TBCD: variants seen among roughly 807,000 people sequenced by gnomAD.
TBCD encodes tubulin-specific chaperone D.
A neutral mutation model predicts 169.3 loss-of-function variants in TBCD; 105 were observed. That is an observed-to-expected ratio of 0.62 (90% CI 0.53 to 0.73). TBCD has a LOEUF of 0.73. TBCD is among the 30% of genes least tolerant of loss of function. TBCD has a pLI of 0.00. For missense variants in TBCD, 1,444 were observed against 1,600.1 expected, an observed-to-expected ratio of 0.90 and a Z score of 1.66; for synonymous variants, 700 against 643.9, an observed-to-expected ratio of 1.09 and a Z score of -1.32.
At chr17:82,850,076 T>TTG (rs1598922667) in intron 13 of TBCD, among the ~76,000 whole-genome samples, 5 of 24,206 alleles carry the variant, frequency 2.1e-4, no homozygotes, top group African/African-American at 3.3e-4. Context: ...CTGTTGGCTG[T>TTG]GCTGTGCTGC....
At chr17:82,844,939 A>T (rs2054875324) in intron 13 of TBCD, among the ~76,000 whole-genome samples, 2 of 152,198 alleles carry the variant, frequency 1.3e-5, no homozygotes, top group Admixed American at 1.3e-4. Flanking sequence ...ACAGGTCGGG[A>T]ACATGGCCGA....
chr17:82,773,395 G>A (rs760014487), intron 6 of TBCD, among the ~76,000 whole-genome samples: 3 of 152,206 alleles, frequency 2.0e-5, no homozygotes, highest in Non-Finnish European at 4.4e-5. Flanking sequence ...GGCCCCTCCC[G>A]AGAGGGCAGA....
chr17:82,827,797 A>C (rs1269979502), intron 13 of TBCD, among the ~76,000 whole-genome samples: 4 of 150,816 alleles, frequency 2.7e-5, no homozygotes, highest in Admixed American at 2.0e-4. Context: ...GTGGACACCC[A>C]CACGATTGAA....
chr17:82,774,097 A>G (rs1315369750), intron 6 of TBCD, among the ~76,000 whole-genome samples: 4 of 146,588 alleles, frequency 2.7e-5, no homozygotes, highest in African/African-American at 7.7e-5. Flanking sequence ...TGTTTCTCAG[A>G]GAGGGGGATT....
intron 13 of TBCD, among the ~76,000 whole-genome samples, chr17:82,834,496 G>T (rs2053795921): frequency 1.3e-5 from 2 of 152,178 alleles, no homozygotes; most frequent in Admixed American, 1.3e-4. Context: ...ACTGAATAAA[G>T]AAAATGCGGC....
At chr17:82,926,998 G>A (rs988178972) in intron 28 of TBCD, 188 bp from the exon 29 acceptor site, 41 of 792,886 alleles carry the variant, frequency 5.2e-5, no homozygotes, top group African/African-American at 1.6e-4. Context: ...ACGGCAGAGC[G>A]TGACCTCGGG....
intron 23 of TBCD, among the ~76,000 whole-genome samples, chr17:82,912,681 G>C (rs1418525801): frequency 9.2e-5 from 14 of 151,964 alleles, no homozygotes; most frequent in Admixed American, 9.2e-4. Flanking sequence ...GAGCAGGCTG[G>C]GATTCGGGGA....
intron 13 of TBCD, chr17:82,830,958 TG>T: frequency 1.2e-6 from 2 of 1,613,416 alleles, no homozygotes; most frequent in South Asian, 2.2e-5. Flanking sequence ...AGTATAAGCC[TG>T]GCTCATGGAA....
chr17:82,757,143 C>T (rs1245363735), intron 2 of TBCD, among the ~76,000 whole-genome samples: 1 of 152,206 alleles, frequency 6.6e-6, no homozygotes, highest in Non-Finnish European at 1.5e-5. Context: ...TGGGTGGGGG[C>T]ACCCTGGCTT....
chr17:82,889,926 T>G lies in TBCD; in HGVS notation c.1563+229T>G, dbSNP rs2059012523. Among the ~76,000 whole-genome samples the G allele has an allele frequency of 1.3e-5, 2 of 152,192 alleles. No individual in the cohort carries two copies. Among genetic ancestry groups the G allele is most frequent in the Non-Finnish European group, 2.9e-5 (2 of 68,026 alleles). On this transcript the variant is annotated intron_variant, in intron 16 of 38. Coordinates refer to ENST00000355528, the MANE Select transcript of TBCD (RefSeq NM_005993.5). This position sits in a 1 kb window ranked among gnomAD's most constrained non-coding sequence, Gnocchi z 5.3. ...CACACACAGGCCGGAAAGCTGTGCT[T>G]TACACGTTGCCAAGAGCCACATAAT...
At chr17:82,804,723 G>T (rs988432585) in intron 9 of TBCD, among the ~76,000 whole-genome samples, 2 of 152,246 alleles carry the variant, frequency 1.3e-5, no homozygotes, top group African/African-American at 2.4e-5. Flanking sequence ...TTGGAAGGTG[G>T]CAGCTCTCAC....
At chr17:82,921,621 T>TAGTGTGTTAGTC (rs779859056) in intron 25 of TBCD, 44 bp downstream of exon 25, 1 of 1,573,318 alleles carries the variant, frequency 6.4e-7, no homozygotes, top group Non-Finnish European at 8.7e-7. Flanking sequence ...GTGGCGGTGT[T>TAGTGTGTTAGTC]AGTGTGTTAG....
At chr17:82,929,602 T>G in intron 32 of TBCD, 102 bp downstream of exon 32, 1 of 1,471,866 alleles carries the variant, frequency 6.8e-7, no homozygotes, top group South Asian at 1.2e-5. Flanking sequence ...TTTTCTTCCA[T>G]TGCTTTCTAT....
intron 8 of TBCD, among the ~76,000 whole-genome samples, chr17:82,800,040 C>T (rs1402345097): frequency 1.3e-5 from 2 of 152,110 alleles, no homozygotes; most frequent in African/African-American, 4.8e-5. Context: ...CTGTCCCCGC[C>T]CCACTGCCCC....
Position 82,915,406 on chromosome 17 carries a change from A to G in TBCD, c.2038+3617A>G, listed in dbSNP as rs545309580. On this transcript the variant is annotated intron_variant, in intron 23 of 38. Coordinates refer to ENST00000355528, the MANE Select transcript of TBCD (RefSeq NM_005993.5). This position sits in a 1 kb window ranked among gnomAD's most constrained non-coding sequence, Gnocchi z 4.3. ...CTTTGTCGTGAATATTCACGAGAGGAGATGAACATCCTGGATGTCCTCAGC... is the reference window on the plus strand; with the variant it reads ...CTTTGTCGTGAATATTCACGAGAGGGGATGAACATCCTGGATGTCCTCAGC... Among the ~76,000 whole-genome samples, 1 of 152,142 alleles carries G rather than the reference A, an allele frequency of 6.6e-6. No individual in the cohort carries two copies.
intron 8 of TBCD, among the ~76,000 whole-genome samples, chr17:82,799,028 C>T (rs1297801071): frequency 6.6e-6 from 1 of 152,202 alleles, no homozygotes; most frequent in Non-Finnish European, 1.5e-5. Context: ...AGCCACCACG[C>T]CTGGCTCAAT....
chr17:82,908,237 C>G (rs1021784491), intron 21 of TBCD: 2 of 448,136 alleles, frequency 4.5e-6, no homozygotes, highest in Middle Eastern at 5.7e-4. Flanking sequence ...CATTGGGCCC[C>G]GTGCTCTCCT....
At chr17:82,802,774 A>ATGCTT (rs58764025) in intron 9 of TBCD, among the ~76,000 whole-genome samples, 72,024 of 151,628 alleles carry the variant, frequency 0.48, 17,875 homozygotes, top group African/African-American at 0.63. Flanking sequence ...ACAGATTCAC[A>ATGCTT]TGCTGGTCCA....
rs760331502 is a variant in TBCD at position 82,907,783 on chromosome 17, G to A, written c.1945G>A (p.Glu649Lys). ...ENRPVTDHLD[E>K]QAVQGLKQIH... Reference sequence around the variant, plus strand: ...CAGGCCCGTCACGGACCATCTGGACGAGCAGGCAGTGCAGGGCCTGAAGCA... The same window carrying A: ...CAGGCCCGTCACGGACCATCTGGACAAGCAGGCAGTGCAGGGCCTGAAGCA... The change falls in exon 21 of 39, where the codon GAG (glutamate) becomes AAG (lysine). Residue 649 changes from glutamate (E) to lysine (K), a missense_variant. Physicochemically the swap from Glu to Lys is moderately conservative, Grantham distance 56 (BLOSUM62 1). Transcript: ENST00000355528. 16 of 1,613,662 alleles carry A rather than the reference G, an allele frequency of 9.9e-6. No homozygotes were observed. The highest frequency in any genetic ancestry group is 3.3e-4 in the Middle Eastern group (2 of 6,084).
Sources: allele counts gnomAD v4.1 joint callset (sites outside exome capture counted in the v4.1 genomes callset), GRCh38; gene constraint gnomAD v4.1.1; non-coding constraint Gnocchi (gnomAD v3.1); transcripts MANE v1.5; gene names NCBI Gene and HGNC (gene_info 2026-07-23, HGNC 2026-07-21).